The following ADGRL3 variants were observed in gnomAD, a reference collection of about 807,000 sequenced individuals.
ADGRL3 encodes adhesion G protein-coupled receptor L3, also known as calcium-independent alpha-latrotoxin receptor 3.
Under a neutral mutation model 153.5 loss-of-function variants are expected in ADGRL3, and 62 were observed. The observed-to-expected ratio is 0.40, with a 90% confidence interval of 0.33 to 0.50. The LOEUF (loss-of-function observed/expected upper bound fraction) is 0.50. ADGRL3 is among the 20% of genes least tolerant of loss of function. The pLI is 0.47. For synonymous variants in ADGRL3, 710 were observed against 672.5 expected (o/e 1.06, Z -0.86); for missense variants, 1,641 against 1,859.4 (o/e 0.88, Z 2.16).
chr4:61,609,244 A>C (rs956888782), intron 5 of ADGRL3, among the ~76,000 whole-genome samples: 24 of 152,144 alleles, frequency 1.6e-4, no homozygotes, highest in African/African-American at 5.3e-4. Flanking sequence ...AAATTTGCTC[A>C]TCAGTATTCT....
intron 5 of ADGRL3, among the ~76,000 whole-genome samples, chr4:61,609,794 T>A (rs1188919551): frequency 6.6e-6 from 1 of 152,084 alleles, no homozygotes; most frequent in Non-Finnish European, 1.5e-5. Flanking sequence ...CAGCTTCTGA[T>A]CTGAATTTTA....
chr4:61,266,699 A>G (rs2149703878), intron 1 of ADGRL3, among the ~76,000 whole-genome samples: 1 of 151,946 alleles, frequency 6.6e-6, no homozygotes, highest in South Asian at 2.1e-4. Context: ...TTATTCTTAT[A>G]GAATGAAAAT....
intron 1 of ADGRL3, among the ~76,000 whole-genome samples, chr4:61,220,124 AAAAAAG>A (rs1261218385): frequency 2.6e-5 from 4 of 151,926 alleles, no homozygotes; most frequent in African/African-American, 7.2e-5. Flanking sequence ...AAAAAAAAAA[AAAAAAG>A]AAAAGAAAAA....
intron 17 of ADGRL3, among the ~76,000 whole-genome samples, chr4:61,978,649 A>G (rs2099056467): frequency 6.6e-6 from 1 of 151,684 alleles, no homozygotes; most frequent in Non-Finnish European, 1.5e-5. Flanking sequence ...TTAAGGTGGA[A>G]ATAAGAGTTC....
At chr4:61,384,117 A>G (rs1037966053) in intron 2 of ADGRL3, among the ~76,000 whole-genome samples, 19 of 151,930 alleles carry the variant, frequency 1.3e-4, no homozygotes, top group African/African-American at 4.1e-4. Flanking sequence ...CTTTAGGAGT[A>G]AAGAGTGACT....
chr4:61,418,072 A>T lies in ADGRL3; in HGVS notation c.-174+34883A>T, dbSNP rs933160485. On this transcript the variant is annotated intron_variant, in intron 2 of 26. Coordinates refer to ENST00000683033, the MANE Select transcript of ADGRL3 (RefSeq NM_001387552.1). Reference sequence around the variant, plus strand: ...ACATGTGACCTTCATTTTTGTGCTTATAAATGGTGGCTAGAGTGCCTGCCA... The same window carrying T: ...ACATGTGACCTTCATTTTTGTGCTTTTAAATGGTGGCTAGAGTGCCTGCCA... 2.6e-5 allele frequency among the ~76,000 whole-genome samples: 4 copies of T among 152,276 alleles called. No homozygotes were observed. In the East Asian group the frequency reaches 7.7e-4, roughly 29 times the overall value.
intron 5 of ADGRL3, among the ~76,000 whole-genome samples, chr4:61,635,347 A>G (rs1196656092): frequency 6.6e-6 from 1 of 152,080 alleles, no homozygotes; most frequent in East Asian, 1.9e-4. Flanking sequence ...GGGGAGGGAG[A>G]GAAGAGTTAA....
chr4:61,216,535 T>C (rs1025518059), intron 1 of ADGRL3, among the ~76,000 whole-genome samples: 2 of 152,144 alleles, frequency 1.3e-5, no homozygotes, highest in African/African-American at 2.4e-5. Context: ...TTTTTTCTTA[T>C]GGCTGAATTT....
rs34171023 is a variant in ADGRL3, at chr4:61,610,138, G to GATATATATAT, written c.473+22708_473+22717dup. Reference sequence around the variant, plus strand: ...TTTTAGTTTAAAATAAGGGAAGTGAGATATATATATATATATATACTTCTT... The same window carrying GATATATATAT: ...TTTTAGTTTAAAATAAGGGAAGTGAGATATATATATATATATATATATATATATACTTCTT... On this transcript the variant is annotated intron_variant, in intron 5 of 26. Transcript: ENST00000683033. Among the ~76,000 whole-genome samples, 79 of 146,860 alleles carry GATATATATAT rather than the reference G, an allele frequency of 5.4e-4. 2 individuals are homozygous for GATATATATAT. Among genetic ancestry groups the GATATATATAT allele is most frequent in the African/African-American group, 8.7e-4 (35 of 40,268 alleles).
intron 17 of ADGRL3, among the ~76,000 whole-genome samples, chr4:61,965,987 T>C (rs1253139544): frequency 6.6e-6 from 1 of 152,198 alleles, no homozygotes; most frequent in African/African-American, 2.4e-5. Context: ...TTATTGTCAC[T>C]AAGCCTGTGG....
chr4:61,695,525 A>G (rs890225677), intron 6 of ADGRL3, among the ~76,000 whole-genome samples: 1 of 152,164 alleles, frequency 6.6e-6, no homozygotes, highest in African/African-American at 2.4e-5. Flanking sequence ...TATTCCATCT[A>G]TAGAGTACAG....
At chr4:61,675,950 C>CA (rs2095176495) in intron 5 of ADGRL3, among the ~76,000 whole-genome samples, 1 of 151,744 alleles carries the variant, frequency 6.6e-6, no homozygotes, top group Non-Finnish European at 1.5e-5. Context: ...TTCCTCCCCC[C>CA]TCTACCCCTC....
At chr4:62,052,460 A>C (rs1428173148) in intron 25 of ADGRL3, among the ~76,000 whole-genome samples, 1 of 151,448 alleles carries the variant, frequency 6.6e-6, no homozygotes, top group African/African-American at 2.4e-5. Context: ...TATCCGTGTA[A>C]GGAAAAAAAT....
chr4:61,799,077 G>A (rs1322856394), intron 8 of ADGRL3, among the ~76,000 whole-genome samples: 4 of 124,196 alleles, frequency 3.2e-5, no homozygotes, highest in African/African-American at 1.2e-4. Context: ...AGATAGATAG[G>A]TAGATGGATA....
intron 4 of ADGRL3, among the ~76,000 whole-genome samples, chr4:61,578,595 G>A (rs1178450646): frequency 6.6e-6 from 1 of 151,586 alleles, no homozygotes; most frequent in Non-Finnish European, 1.5e-5. Flanking sequence ...TAATTTTAAG[G>A]CTTTCTCTGA....
At chr4:61,294,809 T>C (rs2094347393) in intron 1 of ADGRL3, among the ~76,000 whole-genome samples, 1 of 152,056 alleles carries the variant, frequency 6.6e-6, no homozygotes, top group South Asian at 2.1e-4. Flanking sequence ...CTGTCAGCCA[T>C]TGTTTAATAT....
At chr4:61,291,071 A>G (rs17828300) in intron 1 of ADGRL3, among the ~76,000 whole-genome samples, 4,080 of 151,986 alleles carry the variant, frequency 0.027, 74 homozygotes, top group Non-Finnish European at 0.041. Context: ...TGCCTATGCC[A>G]TTATGGTTCC....
At chr4:61,600,084 C>T (rs1233384787) in intron 5 of ADGRL3, among the ~76,000 whole-genome samples, 1 of 151,964 alleles carries the variant, frequency 6.6e-6, no homozygotes, top group African/African-American at 2.4e-5. Context: ...CCAAGGTGGG[C>T]AGATCATGAG....
At chr4:61,887,095 C>T (rs2098543856) in intron 9 of ADGRL3, among the ~76,000 whole-genome samples, 1 of 152,030 alleles carries the variant, frequency 6.6e-6, no homozygotes, top group Admixed American at 6.6e-5. Context: ...AGACCCCTGA[C>T]CTCAGGTGAT....
Sources: gnomAD v4.1 joint callset for allele counts (sites outside exome capture counted in the v4.1 genomes callset) on GRCh38, gnomAD v4.1.1 for gene constraint, MANE v1.5 for transcripts, NCBI Gene and HGNC (gene_info 2026-07-23, HGNC 2026-07-21) for gene names.